NR5A2: variants seen among roughly 807,000 people sequenced by gnomAD.
NR5A2 encodes the protein CYP7A promoter-binding factor.
A neutral mutation model predicts 62.7 loss-of-function variants in NR5A2; 26 were observed. The observed-to-expected ratio is 0.41, with a 90% CI of 0.30 to 0.58. The LOEUF (loss-of-function observed/expected upper bound fraction) is 0.58. Ranked by LOEUF, NR5A2 falls within the 20% of genes least tolerant of loss-of-function variation. The probability of loss-of-function intolerance (pLI) is 0.22; values close to 1 mark genes in which losing one functional copy is unlikely to be tolerated. For synonymous variants in NR5A2, 246 were observed against 241.7 expected, an observed-to-expected ratio of 1.02 and a Z score of -0.16; for missense variants, 541 against 669.1, an observed-to-expected ratio of 0.81 and a Z score of 2.11.
intron 7 of NR5A2, among the ~76,000 whole-genome samples, chr1:200,151,041 C>G (rs144936275): frequency 6.6e-6 from 1 of 152,300 alleles, no homozygotes; most frequent in Non-Finnish European, 1.5e-5. Flanking sequence ...ATGACCTGCT[C>G]TCTGAGCTTT....
intron 5 of NR5A2, among the ~76,000 whole-genome samples, chr1:200,085,418 A>G (rs1376491035): frequency 6.6e-6 from 1 of 152,180 alleles, no homozygotes; most frequent in African/African-American, 2.4e-5. Context: ...ATCACCATAG[A>G]AGCCTCCTGA....
intron 5 of NR5A2, among the ~76,000 whole-genome samples, chr1:200,083,782 C>G (rs1664401502): frequency 6.6e-6 from 1 of 151,838 alleles, no homozygotes. Context: ...GCATGACAAA[C>G]ATGGAGAAAC....
rs114776237 is a variant in NR5A2 at position 200,147,999 on chromosome 1, C to T, written c.1379-25964C>T. ...GGCCGCCTTGACCTCCTCCCGCGAGCCGAAAACGCCCAGTTCGAAGGCCAC... is the reference window on the plus strand; with the variant it reads ...GGCCGCCTTGACCTCCTCCCGCGAGTCGAAAACGCCCAGTTCGAAGGCCAC... On this transcript the variant is annotated intron_variant, in intron 7 of 7. Coordinates refer to ENST00000367362, the MANE Select transcript of NR5A2 (RefSeq NM_205860.3). This position sits in a 1 kb window ranked among gnomAD's most constrained non-coding sequence, Gnocchi z 4.9. 5.6e-3 allele frequency: 1,706 copies of T among 305,312 alleles called. 8 individuals carry two copies. The highest frequency in any genetic ancestry group is 8.9e-3 in the Middle Eastern group (18 of 2,030). 18.9% of individuals were successfully genotyped at this position (305,312 alleles called of 1,614,324 possible). A position where few individuals can be genotyped will look rare whatever the true frequency, so the allele number is the denominator to read the frequency against.
chr1:200,098,941 T>C (rs2816997), intron 5 of NR5A2, among the ~76,000 whole-genome samples: 88,637 of 152,134 alleles, frequency 0.58, 26,305 homozygotes, highest in African/African-American at 0.69. Context: ...TTACCTAGAC[T>C]TAATCTTTCT....
In NR5A2 at chr1:200,039,901, CT is replaced by C. The variant is rs996516861; in HGVS notation, c.202+107del. On this transcript the variant is annotated intron_variant, in intron 2 of 7. Coordinates refer to ENST00000367362, the MANE Select transcript of NR5A2 (RefSeq NM_205860.3). The surrounding 1 kb of genome is among the most constrained non-coding windows in gnomAD (Gnocchi z 5.1). ...CCGCGCGGGCGCGGGAGTAGCCCCG[CT>C]GGGCGCTCGCAGCCGCGGGAGTCAA... The C allele has an allele frequency of 1.5e-6, 2 of 1,330,866 alleles. No homozygotes were observed. The highest frequency in any genetic ancestry group is 3.6e-5 in the Admixed American group (1 of 28,068). The allele number at this position is 1,330,866 out of a possible 1,614,324, so 82.4% of individuals were successfully genotyped here. A position where few individuals can be genotyped will look rare whatever the true frequency, so the allele number is the denominator to read the frequency against.
Position 200,174,331 on chromosome 1 carries a change from T to C in NR5A2, c.*121T>C. 1 of 1,055,204 alleles carries C rather than the reference T, an allele frequency of 9.5e-7. No individual in the cohort carries two copies. Among genetic ancestry groups the C allele is most frequent in the Non-Finnish European group, 1.3e-6 (1 of 792,016 alleles). The allele number at this position is 1,055,204 out of a possible 1,614,324, so 65.4% of individuals were successfully genotyped here. A position where few individuals can be genotyped will look rare whatever the true frequency, so the allele number is the denominator to read the frequency against. ...GCTCCAAGTAACGCTAATTAAAAAC[T>C]TGCTTTAAAGATATTGAATTTAAAA... On this transcript the variant is annotated 3_prime_UTR_variant, in exon 8 of 8. Coordinates refer to ENST00000367362, the MANE Select transcript of NR5A2 (RefSeq NM_205860.3).
chr1:200,141,122 T>A (rs1210030892), intron 7 of NR5A2, among the ~76,000 whole-genome samples: 1 of 152,192 alleles, frequency 6.6e-6, no homozygotes, highest in East Asian at 1.9e-4. Context: ...TTTCACCAGT[T>A]TAAATGCACT....
rs1251536574 is a variant in NR5A2, at chr1:200,048,927, C to G, written c.1110+109C>G. The G allele has an allele frequency of 7.4e-7, 1 of 1,352,030 alleles. No homozygotes were observed. Among genetic ancestry groups the G allele is most frequent in the South Asian group, 1.4e-5 (1 of 71,578 alleles). 83.8% of individuals were successfully genotyped at this position (1,352,030 alleles called of 1,614,324 possible). A position where few individuals can be genotyped will look rare whatever the true frequency, so the allele number is the denominator to read the frequency against. ...AAAATATGTGTTCCTTAATTTTCTA[C>G]TTTGTATGATTTACAGAGTAGACGT... On this transcript the variant is annotated intron_variant, in intron 5 of 7. Transcript: ENST00000367362. The surrounding 1 kb of genome is among the most constrained non-coding windows in gnomAD (Gnocchi z 4.8).
At chr1:200,057,596 A>G (rs940150678) in intron 5 of NR5A2, 1 of 341,156 alleles carries the variant, frequency 2.9e-6, no homozygotes, top group African/African-American at 2.2e-5. Context: ...CGCCTGCCTC[A>G]GCCTCCCGAG....
chr1:200,102,691 A>G (rs1334807549), intron 5 of NR5A2, among the ~76,000 whole-genome samples: 2 of 152,180 alleles, frequency 1.3e-5, no homozygotes, highest in East Asian at 1.9e-4. Context: ...ATCTGGCCCC[A>G]AGACAATGAA....
chr1:200,050,748 C>T (rs978739247), intron 5 of NR5A2, among the ~76,000 whole-genome samples: 6 of 152,114 alleles, frequency 3.9e-5, no homozygotes, highest in Non-Finnish European at 7.3e-5. Flanking sequence ...AAAAATTAGC[C>T]GGGCTTGGTG....
chr1:200,049,454 A>G (rs1337435174), intron 5 of NR5A2, among the ~76,000 whole-genome samples: 1 of 152,214 alleles, frequency 6.6e-6, no homozygotes, highest in Non-Finnish European at 1.5e-5. Context: ...AGTTCTCATA[A>G]TCTATGTCTT....
chr1:200,035,994 G>A (rs988896573), intron 1 of NR5A2, among the ~76,000 whole-genome samples: 1 of 152,158 alleles, frequency 6.6e-6, no homozygotes, highest in Non-Finnish European at 1.5e-5. Context: ...TCCCGCAGCG[G>A]TAAGTACGGG....
At chr1:200,167,100 A>C (rs1241018008) in intron 7 of NR5A2, among the ~76,000 whole-genome samples, 3 of 152,144 alleles carry the variant, frequency 2.0e-5, no homozygotes, top group Admixed American at 2.0e-4. Context: ...GATTTCACCC[A>C]TCACCCATCA....
chr1:200,160,452 C>A (rs1653591089), intron 7 of NR5A2, among the ~76,000 whole-genome samples: 1 of 152,206 alleles, frequency 6.6e-6, no homozygotes, highest in South Asian at 2.1e-4. Context: ...ATGTCGAGCA[C>A]TACCAAAGCT....
chr1:200,156,864 T>G lies in NR5A2; in HGVS notation c.1379-17099T>G, dbSNP rs139490578. 2.9e-3 allele frequency among the ~76,000 whole-genome samples: 443 copies of G among 152,274 alleles called. 1 individual carries two copies. Among genetic ancestry groups the G allele is most frequent in the African/African-American group, 0.01 (416 of 41,546 alleles). ...GGCTAAGCTATGATGTTCAGAAGGT[T>G]AGGTGTAGTAAATGAATTTGTGATA... On this transcript the variant is annotated intron_variant, in intron 7 of 7. Coordinates refer to ENST00000367362, the MANE Select transcript of NR5A2 (RefSeq NM_205860.3).
At chr1:200,056,592 T>A (rs1558110274) in intron 5 of NR5A2, among the ~76,000 whole-genome samples, 1 of 152,210 alleles carries the variant, frequency 6.6e-6, no homozygotes, top group African/African-American at 2.4e-5. Context: ...TCGTTGAGTA[T>A]ACATTTACAA....
intron 1 of NR5A2, chr1:200,029,177 C>T: frequency 2.5e-6 from 1 of 393,118 alleles, no homozygotes; most frequent in South Asian, 1.8e-5. Context: ...GCGTCCGGGG[C>T]CGCAGCTAGA....
chr1:200,104,837 A>G (rs879510161), intron 5 of NR5A2, among the ~76,000 whole-genome samples: 2 of 151,920 alleles, frequency 1.3e-5, no homozygotes, highest in Non-Finnish European at 2.9e-5. Context: ...TAATTTTTGT[A>G]TTTTTAGTAG....
Sources: gnomAD v4.1 joint callset for allele counts (sites outside exome capture counted in the v4.1 genomes callset) on GRCh38, gnomAD v4.1.1 for gene constraint, Gnocchi (gnomAD v3.1) non-coding constraint, MANE v1.5 for transcripts, NCBI Gene and HGNC (gene_info 2026-07-23, HGNC 2026-07-21) for gene names.